Variants in ST8SIA5 observed in about 807,000 individuals in gnomAD.
ST8SIA5 encodes the protein alpha-2,8-sialyltransferase 8E.
ST8SIA5 carries 24 observed loss-of-function variants against 40.2 expected under a neutral mutation model. The observed-to-expected ratio is 0.60, with a 90% CI of 0.43 to 0.84. ST8SIA5 has a LOEUF of 0.84. ST8SIA5 is among the 40% of genes least tolerant of loss of function. The pLI is 0.00. For missense variants in ST8SIA5, 465 were observed against 498.5 expected (o/e 0.93, Z 0.64); for synonymous variants, 198 against 201.8 (o/e 0.98, Z 0.16).
At chr18:46,740,227 T>C (rs1442830529) in intron 1 of ST8SIA5, among the ~76,000 whole-genome samples, 1 of 152,142 alleles carries the variant, frequency 6.6e-6, no homozygotes, top group Non-Finnish European at 1.5e-5. Flanking sequence ...CGTCAGCCAA[T>C]CTCGGTGATT....
At chr18:46,732,139 G>T (rs1052206762) in intron 1 of ST8SIA5, among the ~76,000 whole-genome samples, 4 of 152,226 alleles carry the variant, frequency 2.6e-5, no homozygotes, top group Non-Finnish European at 5.9e-5. Context: ...GAAACACTGT[G>T]CAGACCAAAT....
chr18:46,700,752 G>T lies in ST8SIA5; in HGVS notation c.224+3820C>A, dbSNP rs187092892. On this transcript the variant is annotated intron_variant, in intron 2 of 6. Coordinates refer to ENST00000315087, the MANE Select transcript of ST8SIA5 (RefSeq NM_013305.6). ...TAGGAGCCCAGCCCCTGGGGACAGA[G>T]AGGGTGCCCCAAGGCAGAGATGAGA... is the stretch of plus-strand genomic sequence containing the variant. 5.9e-5 allele frequency among the ~76,000 whole-genome samples: 9 copies of T among 152,332 alleles called. No homozygotes were observed. In the East Asian group the frequency reaches 1.7e-3, roughly 29 times the overall value.
intron 1 of ST8SIA5, among the ~76,000 whole-genome samples, chr18:46,728,478 G>A (rs2039953887): frequency 6.6e-6 from 1 of 152,228 alleles, no homozygotes; most frequent in Non-Finnish European, 1.5e-5. Flanking sequence ...TCTCCAGGGT[G>A]GTTGAACCAA....
intron 1 of ST8SIA5, among the ~76,000 whole-genome samples, chr18:46,724,780 C>T (rs1181521692): frequency 6.6e-6 from 1 of 152,058 alleles, no homozygotes; most frequent in African/African-American, 2.4e-5. Flanking sequence ...TCGAGACCAG[C>T]CTAGCCAACA....
At chr18:46,713,832 C>A (rs548604145) in intron 1 of ST8SIA5, among the ~76,000 whole-genome samples, 3 of 152,256 alleles carry the variant, frequency 2.0e-5, no homozygotes, top group Admixed American at 2.0e-4. Flanking sequence ...GGAACAGATG[C>A]CCCTCTGCCG....
chr18:46,747,369 T>A (rs1265089867), intron 1 of ST8SIA5, among the ~76,000 whole-genome samples: 2 of 152,044 alleles, frequency 1.3e-5, no homozygotes, highest in East Asian at 3.8e-4. Context: ...TAAACAAATT[T>A]ACAAGAAAAA....
Position 46,756,628 on chromosome 18 carries a change from G to C in ST8SIA5, c.-120C>G, listed in dbSNP as rs921124373. On this transcript the variant is annotated 5_prime_UTR_variant, in exon 1 of 7. Coordinates refer to ENST00000315087, the MANE Select transcript of ST8SIA5 (RefSeq NM_013305.6). ...GCCTCACGGTGCGGTCAGGCAGGCG[G>C]GGGACTTCGAGGGGCAAAGTTTCTG... The C allele has an allele frequency of 2.6e-5, 33 of 1,252,144 alleles. No homozygotes were observed. Among genetic ancestry groups the C allele is most frequent in the Non-Finnish European group, 3.6e-5 (33 of 926,554 alleles). The allele number at this position is 1,252,144 out of a possible 1,614,324, so 77.6% of individuals were successfully genotyped here.
intron 1 of ST8SIA5, among the ~76,000 whole-genome samples, chr18:46,752,428 A>G (rs528671180): frequency 6.6e-6 from 1 of 152,342 alleles, no homozygotes; most frequent in East Asian, 1.9e-4. Flanking sequence ...ACAGACATGG[A>G]GAAGCCAAGA....
chr18:46,734,102 A>G (rs905492256), intron 1 of ST8SIA5, among the ~76,000 whole-genome samples: 1 of 152,070 alleles, frequency 6.6e-6, no homozygotes, highest in Non-Finnish European at 1.5e-5. Context: ...TCCCACCCAG[A>G]TTAGAGCGGA....
chr18:46,708,743 C>T (rs918109558), intron 1 of ST8SIA5, among the ~76,000 whole-genome samples: 4 of 152,174 alleles, frequency 2.6e-5, no homozygotes, highest in Admixed American at 2.0e-4. Context: ...CGGCTCTTGC[C>T]CACACTTCCC....
At chr18:46,681,677 A>T (rs1736583366) in intron 6 of ST8SIA5, among the ~76,000 whole-genome samples, 1 of 152,248 alleles carries the variant, frequency 6.6e-6, no homozygotes, top group Admixed American at 6.5e-5. Context: ...TGCAGGCCAC[A>T]TATGGAATTT....
At chr18:46,726,334 G>T (rs2039929649) in intron 1 of ST8SIA5, among the ~76,000 whole-genome samples, 1 of 152,022 alleles carries the variant, frequency 6.6e-6, no homozygotes, top group South Asian at 2.1e-4. Flanking sequence ...TAACAGCAAA[G>T]AGCAAACGCT....
At chr18:46,692,480 T>G (rs1238928498) in intron 2 of ST8SIA5, among the ~76,000 whole-genome samples, 1 of 151,946 alleles carries the variant, frequency 6.6e-6, no homozygotes, top group Non-Finnish European at 1.5e-5. Flanking sequence ...CTCAGCTCAC[T>G]GCAACCTCCG....
chr18:46,725,176 G>A (rs933260206), intron 1 of ST8SIA5, among the ~76,000 whole-genome samples: 1 of 152,072 alleles, frequency 6.6e-6, no homozygotes, highest in Non-Finnish European at 1.5e-5. Context: ...GATTTAAACC[G>A]AGGGCTAACT....
At chr18:46,743,279 A>G (rs1210812004) in intron 1 of ST8SIA5, among the ~76,000 whole-genome samples, 2 of 152,194 alleles carry the variant, frequency 1.3e-5, no homozygotes, top group Non-Finnish European at 2.9e-5. Flanking sequence ...CTAAAGGAAC[A>G]TGTTCTAACC....
chr18:46,715,851 G>A (rs993985135), intron 1 of ST8SIA5, among the ~76,000 whole-genome samples: 4 of 152,080 alleles, frequency 2.6e-5, no homozygotes, highest in African/African-American at 9.7e-5. Flanking sequence ...CCTCTTACAA[G>A]TTCTGGGATT....
intron 6 of ST8SIA5, among the ~76,000 whole-genome samples, chr18:46,680,953 C>G (rs548471311): frequency 6.6e-6 from 1 of 152,152 alleles, no homozygotes; most frequent in South Asian, 2.1e-4. Flanking sequence ...CTGCAGCCTC[C>G]GTTTCTCTCT....
chr18:46,671,772 A>G lies in ST8SIA5; in HGVS notation c.*8270T>C, dbSNP rs1164799276. 1 of 152,240 alleles carries G rather than the reference A, an allele frequency of 6.6e-6. No homozygotes were observed. The highest frequency in any genetic ancestry group is 1.9e-4 in the East Asian group (1 of 5,202). The allele number at this position is 152,240 out of a possible 1,614,324, so 9.4% of individuals were successfully genotyped here. ...TTTATCTGAATGCTAAAATGTTCAG[A>G]AAAAGAAAAGCTGGTACCTTTAAGA... On this transcript the variant is annotated 3_prime_UTR_variant, in exon 7 of 7. Transcript: ENST00000315087.
intron 1 of ST8SIA5, among the ~76,000 whole-genome samples, chr18:46,737,237 C>G (rs1284267567): frequency 6.6e-6 from 1 of 152,206 alleles, no homozygotes; most frequent in Non-Finnish European, 1.5e-5. Context: ...TTCAAAGCCT[C>G]TGTCAGGTCC....
Sources: allele counts gnomAD v4.1 joint callset (sites outside exome capture counted in the v4.1 genomes callset), GRCh38; gene constraint gnomAD v4.1.1; transcripts MANE v1.5; gene names NCBI Gene and HGNC (gene_info 2026-07-23, HGNC 2026-07-21).